SUN1: variants seen among roughly 807,000 people sequenced by gnomAD.
SUN1 encodes Sad1 and UNC84 domain containing 1.
SUN1 carries 61 observed loss-of-function variants against 103.2 expected under a neutral mutation model. That is an observed-to-expected ratio of 0.59 (90% CI 0.48 to 0.73). The LOEUF (loss-of-function observed/expected upper bound fraction) is 0.73. Among genes scored for constraint, SUN1 ranks in the 30% least tolerant of loss-of-function variants. The pLI is 0.00. For missense variants in SUN1, 1,052 were observed against 1,034.6 expected, an observed-to-expected ratio of 1.02 and a Z score of -0.23; for synonymous variants, 490 against 425.7, an observed-to-expected ratio of 1.15 and a Z score of -1.86.
At chr7:872,884 C>G (rs758803076) in intron 18 of SUN1, among the ~76,000 whole-genome samples, 2 of 151,890 alleles carry the variant, frequency 1.3e-5, no homozygotes, top group Non-Finnish European at 2.9e-5. Flanking sequence ...GTCAGGAGTT[C>G]GAGACCAGCC....
chr7:855,614 C>G (rs970605612), intron 11 of SUN1, among the ~76,000 whole-genome samples: 1 of 152,218 alleles, frequency 6.6e-6, no homozygotes, highest in Non-Finnish European at 1.5e-5. Flanking sequence ...GTAGCACACC[C>G]TTTTGGGAAT....
intron 16 of SUN1, among the ~76,000 whole-genome samples, chr7:866,332 C>G (rs1047144489): frequency 9.2e-5 from 14 of 152,186 alleles, no homozygotes; most frequent in African/African-American, 3.4e-4. Context: ...TCCTCCCTCC[C>G]TCTTTTGGGT....
At chr7:860,985 A>G (rs1320830006) in intron 14 of SUN1, among the ~76,000 whole-genome samples, 1 of 152,154 alleles carries the variant, frequency 6.6e-6, no homozygotes, top group Non-Finnish European at 1.5e-5. Flanking sequence ...GGGAGCTGCA[A>G]TTCAAGATGA....
At chr7:867,112 C>T (rs375916223) in intron 16 of SUN1, among the ~76,000 whole-genome samples, 3 of 152,204 alleles carry the variant, frequency 2.0e-5, no homozygotes, top group African/African-American at 7.2e-5. Context: ...ATGGGACTGT[C>T]GTCATCATGA....
intron 7 of SUN1, 103 bp from the exon 8 acceptor site, chr7:852,506 T>TCG (rs1554263471): frequency 1.5e-6 from 2 of 1,346,110 alleles, no homozygotes; most frequent in Admixed American, 3.4e-5. Context: ...TTTCTAATAC[T>TCG]GGGGGGGTGG....
intron 18 of SUN1, 28 bp from the exon 19 acceptor site, chr7:873,187 G>A (rs1005033229): frequency 6.3e-7 from 1 of 1,592,130 alleles, no homozygotes; most frequent in African/African-American, 1.3e-5. Flanking sequence ...TGAAATACAT[G>A]TGTGTGTTTT....
At chr7:818,329 T>C (rs140094647) in intron 1 of SUN1, among the ~76,000 whole-genome samples, 1 of 152,340 alleles carries the variant, frequency 6.6e-6, no homozygotes, top group East Asian at 1.9e-4. Context: ...CTTAAGATAA[T>C]GTCTTCAGAG....
intron 5 of SUN1, among the ~76,000 whole-genome samples, chr7:848,105 A>C (rs1444737316): frequency 7.7e-5 from 7 of 91,480 alleles, no homozygotes; most frequent in Admixed American, 2.3e-4. Flanking sequence ...ACTCCGCAGT[A>C]CCCTCTCCGG....
At position 852,839 on chromosome 7, in the gene SUN1, T is replaced by C; in HGVS notation, c.940T>C (p.Phe314Leu). The C allele has an allele frequency of 6.2e-7, 1 of 1,613,736 alleles. No homozygotes were observed. The highest frequency in any genetic ancestry group is 8.5e-7 in the Non-Finnish European group (1 of 1,179,734). ...AGLSLRGQGN[F>L]FSFLPVLNWA... ...TCTCTCCTTACGGGGCCAGGGCAAT[T>C]TCTTTTCGTTCTTGCCCGTGTTGAA... Residue 314 changes from phenylalanine to leucine, a missense_variant, in exon 9 of 19, where the codon TTC becomes CTC. By Grantham distance (22) the Phe-to-Leu change is conservative (BLOSUM62 0). Transcript: ENST00000401592.
At chr7:871,473 C>T (rs6971357) in intron 17 of SUN1, among the ~76,000 whole-genome samples, 55,179 of 152,068 alleles carry the variant, frequency 0.36, 10,706 homozygotes, top group African/African-American at 0.49. Flanking sequence ...CTGCAATGTC[C>T]GCCTCCCGGG....
intron 2 of SUN1, among the ~76,000 whole-genome samples, chr7:840,409 C>T (rs915194856): frequency 1.6e-4 from 25 of 152,210 alleles, no homozygotes; most frequent in African/African-American, 5.8e-4. Flanking sequence ...AGCTGTACTG[C>T]CACGCCGCGC....
Position 842,199 on chromosome 7 carries a change from G to A in SUN1, c.451+69G>A, listed in dbSNP as rs1392081586. 3.9e-6 allele frequency: 6 copies of A among 1,546,610 alleles called. No individual in the cohort carries two copies. The East Asian group carries it at 9.1e-5, about 23-fold the overall frequency. ...TGTTTCTCAGATTATGCTGGGGAGA[G>A]GGGAGGCGGTGGCCAGGTTGTCGGT... On this transcript the variant is annotated intron_variant, in intron 3 of 18. Transcript: ENST00000401592.
At chr7:822,865 G>A (rs1163767765) in intron 1 of SUN1, among the ~76,000 whole-genome samples, 1 of 152,204 alleles carries the variant, frequency 6.6e-6, no homozygotes, top group Non-Finnish European at 1.5e-5. Context: ...AGCACACACA[G>A]CCCTGTGGCC....
At chr7:861,530 G>T (rs1003217324) in intron 15 of SUN1, 66 bp downstream of exon 15, 8 of 1,535,986 alleles carry the variant, frequency 5.2e-6, no homozygotes, top group Non-Finnish European at 7.2e-6. Flanking sequence ...GTGCACTTGA[G>T]AGGCTGTTGC....
At chr7:842,917 A>C in intron 3 of SUN1, 2 of 555,978 alleles carry the variant, frequency 3.6e-6, no homozygotes, top group Non-Finnish European at 6.5e-6. Context: ...GGCTGTGAGA[A>C]GATAGATGGG....
chr7:816,280 ACC>A (rs542813986), upstream of SUN1: 36 of 91,990 alleles, frequency 3.9e-4, no homozygotes, highest in Non-Finnish European at 5.9e-4. Context: ...CCAGATGCAA[ACC>A]CCCCCCAGCA....
rs28728201 is a variant in SUN1, at chr7:849,672, A to T, written c.659-1712A>T. 938 of 1,488,450 alleles carry T rather than the reference A, an allele frequency of 6.3e-4. 10 individuals carry two copies. In the African/African-American group the frequency reaches 0.012, roughly 19 times the overall value. 92.2% of individuals were successfully genotyped at this position (1,488,450 alleles called of 1,614,324 possible). ...GGTCCCACACGCTGTCATGTTGGGT[A>T]CTAGCAGTAGAGAATGAACGGCCCG... On this transcript the variant is annotated intron_variant, in intron 5 of 18. Coordinates refer to ENST00000401592, the MANE Select transcript of SUN1 (RefSeq NM_001130965.3).
At chr7:840,039 G>A (rs1807723637) in intron 2 of SUN1, among the ~76,000 whole-genome samples, 1 of 152,218 alleles carries the variant, frequency 6.6e-6, no homozygotes, top group African/African-American at 2.4e-5. Flanking sequence ...GATAATAAAA[G>A]TGACAGCTTT....
At chr7:853,737 C>T in intron 10 of SUN1, 119 bp downstream of exon 10, 8 of 1,137,696 alleles carry the variant, frequency 7.0e-6, no homozygotes, top group Non-Finnish European at 7.4e-6. Context: ...AGGGGTTGCC[C>T]TTTCTGTTCT....
Sources: gnomAD v4.1 joint callset for allele counts (sites outside exome capture counted in the v4.1 genomes callset) on GRCh38, gnomAD v4.1.1 for gene constraint, MANE v1.5 for transcripts, NCBI Gene and HGNC (gene_info 2026-07-23, HGNC 2026-07-21) for gene names.